The following LMBR1 variants were observed in gnomAD, a reference collection of about 807,000 sequenced individuals.
The protein encoded by LMBR1 is limb region 1 protein homolog.
In LMBR1, 52 loss-of-function variants were observed where a neutral mutation model predicts 73.9. The ratio of observed to expected loss-of-function variants is 0.70; its 90% CI spans 0.56 to 0.89. LMBR1 has a LOEUF of 0.89. Ranked by LOEUF, LMBR1 falls within the 40% of genes least tolerant of loss-of-function variation. The probability of loss-of-function intolerance (pLI) is 0.00; values close to 1 mark genes in which losing one functional copy is unlikely to be tolerated. For missense variants in LMBR1, 539 were observed against 579.8 expected (o/e 0.93, Z 0.72); for synonymous variants, 215 against 209.4 (o/e 1.03, Z -0.23).
chr7:156,716,156 G>A (rs900367347), intron 15 of LMBR1, among the ~76,000 whole-genome samples: 4 of 152,162 alleles, frequency 2.6e-5, no homozygotes, highest in South Asian at 2.1e-4. Context: ...AGACAGGTAC[G>A]TATAATACAA....
intron 1 of LMBR1, among the ~76,000 whole-genome samples, chr7:156,846,029 G>A (rs149548467): frequency 6.6e-6 from 1 of 151,788 alleles, no homozygotes; most frequent in African/African-American, 2.4e-5. Context: ...TCAAGAGGCT[G>A]AGGCAGGAAG....
chr7:156,857,111 AACAAGG>A (rs1336137875), intron 1 of LMBR1, among the ~76,000 whole-genome samples: 1 of 152,190 alleles, frequency 6.6e-6, no homozygotes, highest in Non-Finnish European at 1.5e-5. Context: ...AACCACCAAG[AACAAGG>A]ACAATAGAAA....
chr7:156,837,752 T>A (rs1837917096), intron 1 of LMBR1, among the ~76,000 whole-genome samples: 1 of 151,392 alleles, frequency 6.6e-6, no homozygotes, highest in Non-Finnish European at 1.5e-5. Flanking sequence ...AAGACTTCTT[T>A]AAGATATCAT....
chr7:156,866,666 C>T (rs971274156), intron 1 of LMBR1, among the ~76,000 whole-genome samples: 5 of 128,984 alleles, frequency 3.9e-5, no homozygotes, highest in Non-Finnish European at 6.6e-5. Flanking sequence ...AGTGCAGTGG[C>T]GCAAACTTGG....
At chr7:156,745,826 C>T (rs1819742008) in intron 9 of LMBR1, among the ~76,000 whole-genome samples, 1 of 152,190 alleles carries the variant, frequency 6.6e-6, no homozygotes, top group Non-Finnish European at 1.5e-5. Flanking sequence ...TTTCAAAGAA[C>T]CTGAGATCTC....
intron 1 of LMBR1, among the ~76,000 whole-genome samples, chr7:156,858,976 G>T (rs1586277977): frequency 6.6e-6 from 1 of 152,120 alleles, no homozygotes; most frequent in East Asian, 1.9e-4. Flanking sequence ...AACTAGGGCT[G>T]GGCACGGTGG....
At chr7:156,771,992 T>A (rs145683123) in intron 5 of LMBR1, among the ~76,000 whole-genome samples, 61 of 152,248 alleles carry the variant, frequency 4.0e-4, no homozygotes, top group African/African-American at 1.3e-3. Context: ...AACCACATGA[T>A]CAGCCAGGCG....
intron 10 of LMBR1, among the ~76,000 whole-genome samples, chr7:156,729,002 G>T (rs1198601917): frequency 1.3e-5 from 2 of 151,938 alleles, no homozygotes; most frequent in African/African-American, 4.8e-5. Context: ...ACCATGCCTG[G>T]CTAATTTTTT....
chr7:156,786,183 A>G (rs1828048318), intron 5 of LMBR1, among the ~76,000 whole-genome samples: 1 of 140,454 alleles, frequency 7.1e-6, no homozygotes, highest in African/African-American at 2.7e-5. Context: ...AGGAGGGAGG[A>G]AAGGAAGGAG....
chr7:156,731,696 T>C (rs896474283), intron 10 of LMBR1, among the ~76,000 whole-genome samples: 2 of 151,998 alleles, frequency 1.3e-5, no homozygotes, highest in Non-Finnish European at 2.9e-5. Context: ...ACATTAGAAA[T>C]GTAAAAATAA....
intron 12 of LMBR1, 38 bp downstream of exon 12, chr7:156,727,892 T>G: frequency 1.4e-6 from 2 of 1,466,444 alleles, no homozygotes; most frequent in Non-Finnish European, 9.5e-7. Flanking sequence ...ATAGAATACT[T>G]TTGCAAAAGA....
At chr7:156,836,925 C>T in intron 1 of LMBR1, 40 bp from the exon 2 acceptor site, 3 of 1,319,806 alleles carry the variant, frequency 2.3e-6, no homozygotes, top group Non-Finnish European at 2.1e-6. Context: ...TACTTTTTTG[C>T]ATATCTTTTT....
At chr7:156,882,690 C>T (rs1452274777) in intron 1 of LMBR1, among the ~76,000 whole-genome samples, 1 of 152,202 alleles carries the variant, frequency 6.6e-6, no homozygotes, top group Admixed American at 6.5e-5. Context: ...CTCTAGAAAT[C>T]TGCTGTGCAA....
chr7:156,848,367 G>A (rs555170874), intron 1 of LMBR1, among the ~76,000 whole-genome samples: 3 of 152,246 alleles, frequency 2.0e-5, no homozygotes, highest in African/African-American at 7.2e-5. Flanking sequence ...ACTAAAAAGT[G>A]GGCACAGGAC....
intron 9 of LMBR1, chr7:156,736,545 C>T (rs1216465162): frequency 2.2e-6 from 1 of 456,828 alleles, no homozygotes; most frequent in Non-Finnish European, 4.4e-6. Context: ...CCAAAAGTAG[C>T]TGTCCAGCTT....
Position 156,685,899 on chromosome 7 carries a change from T to C in LMBR1, c.1388-1736A>G, listed in dbSNP as rs1342842674. Among the ~76,000 whole-genome samples, 1 of 152,146 alleles carries C rather than the reference T, an allele frequency of 6.6e-6. No individual in the cohort carries two copies. The highest frequency in any genetic ancestry group is 2.4e-5 in the African/African-American group (1 of 41,434). On this transcript the variant is annotated intron_variant, in intron 16 of 16. Transcript: ENST00000353442. This position sits in a 1 kb window ranked among gnomAD's most constrained non-coding sequence, Gnocchi z 4.1. ...GTTTTACATCACTCATAAACTAATA[T>C]AGCACTCCAAATTTTAATCTTCCTG... is the stretch of plus-strand genomic sequence containing the variant.
intron 5 of LMBR1, among the ~76,000 whole-genome samples, chr7:156,774,443 G>C (rs1449876017): frequency 1.3e-5 from 2 of 152,206 alleles, no homozygotes; most frequent in Non-Finnish European, 1.5e-5. Context: ...ATTCACAATA[G>C]CAAAGGCATG....
Position 156,794,919 on chromosome 7 carries a change from A to C in LMBR1, c.423+1470T>G, listed in dbSNP as rs931372672. Reference sequence around the variant, plus strand: ...AGTCTAAAATGCATATTTATCTCTAAATATACTCAAGTGGTAGATGAAAAA... The same window carrying C: ...AGTCTAAAATGCATATTTATCTCTACATATACTCAAGTGGTAGATGAAAAA... On this transcript the variant is annotated intron_variant, in intron 5 of 16. Transcript: ENST00000353442. Among the ~76,000 whole-genome samples the C allele has an allele frequency of 2.0e-5, 3 of 152,108 alleles. No individual in the cohort carries two copies. The South Asian group carries it at 6.2e-4, about 32-fold the overall frequency.
chr7:156,826,675 G>T lies in LMBR1; in HGVS notation c.249C>A (p.Ile83=). The T allele has an allele frequency of 6.2e-7, 1 of 1,609,836 alleles. No individual in the cohort carries two copies. The highest frequency in any genetic ancestry group is 8.5e-7 in the Non-Finnish European group (1 of 1,177,618). Residue 83 remains isoleucine, a synonymous_variant, in exon 4 of 17, where the codon ATC becomes ATA. Transcript: ENST00000353442. ...GAVLLLPFSI[I]SNEILLSFPQ... The stretch of plus-strand genomic sequence containing the variant: ...GAAAAGAAAGCAGGATTTCATTGCT[G>T]ATGATTGAGAAGGGTAAAAGCAAAA...
Sources: gnomAD v4.1 joint callset for allele counts (sites outside exome capture counted in the v4.1 genomes callset) on GRCh38, gnomAD v4.1.1 for gene constraint, Gnocchi (gnomAD v3.1) non-coding constraint, MANE v1.5 for transcripts, NCBI Gene and HGNC (gene_info 2026-07-23, HGNC 2026-07-21) for gene names.